HEATR5B: variants seen among roughly 807,000 people sequenced by gnomAD.
HEATR5B encodes the protein HEAT repeat-containing protein 5B.
A neutral mutation model predicts 224.1 loss-of-function variants in HEATR5B; 156 were observed. The observed-to-expected ratio is 0.70, with a 90% CI of 0.61 to 0.80. The LOEUF is 0.80. Ranked by LOEUF, HEATR5B falls within the 30% of genes least tolerant of loss-of-function variation. The pLI, the probability that HEATR5B is intolerant of heterozygous loss-of-function variation, is 0.00. For synonymous variants in HEATR5B, 1,027 were observed against 893.0 expected, an observed-to-expected ratio of 1.15 and a Z score of -2.68; for missense variants, 2,323 against 2,535.5, an observed-to-expected ratio of 0.92 and a Z score of 1.80.
chr2:37,027,910 A>G lies in HEATR5B; in HGVS notation c.3853+13T>C. The G allele has an allele frequency of 6.2e-7, 1 of 1,609,144 alleles. No individual in the cohort carries two copies. Among genetic ancestry groups the G allele is most frequent in the Non-Finnish European group, 8.5e-7 (1 of 1,176,814 alleles). On this transcript the variant is annotated intron_variant, in intron 24 of 35. Transcript: ENST00000233099. ...AAAATGCTTTGGGGAAAAAGTACTG[A>G]TTTTAAATTTACTTGTAGGGTTTCG...
intron 28 of HEATR5B, 116 bp downstream of exon 28, chr2:37,008,495 C>A (rs753173089): frequency 2.6e-5 from 19 of 736,296 alleles, no homozygotes; most frequent in Admixed American, 2.6e-4. Context: ...CAAACTTAAG[C>A]CACAGAAATT....
intron 22 of HEATR5B, among the ~76,000 whole-genome samples, chr2:37,031,586 A>G (rs1669136871): frequency 6.6e-6 from 1 of 151,984 alleles, no homozygotes; most frequent in African/African-American, 2.4e-5. Context: ...ATTTATATGT[A>G]TTCAGAAGAG....
chr2:37,040,292 T>C lies in HEATR5B; in HGVS notation c.3046+37A>G, dbSNP rs1669790681. 12 of 1,495,720 alleles carry C rather than the reference T, an allele frequency of 8.0e-6. 1 individual carries two copies. Among genetic ancestry groups the C allele is most frequent in the Middle Eastern group, 1.7e-4 (1 of 5,810 alleles). The allele number at this position is 1,495,720 out of a possible 1,614,324, so 92.7% of individuals were successfully genotyped here. On this transcript the variant is annotated intron_variant, in intron 20 of 35. Transcript: ENST00000233099. ...TCAGGAAATTTAAAGATACTGATTA[T>C]CTAACTAGGTTCCTTAATTTCAGAT...
chr2:37,035,014 G>A (rs1216488552), intron 21 of HEATR5B, among the ~76,000 whole-genome samples: 3 of 152,104 alleles, frequency 2.0e-5, no homozygotes, highest in Admixed American at 6.6e-5. Context: ...TTTTTACAGT[G>A]GGGACAATAT....
intron 16 of HEATR5B, chr2:37,055,081 C>A (rs1318449637): frequency 7.3e-6 from 3 of 408,622 alleles, no homozygotes; most frequent in East Asian, 8.6e-5. Flanking sequence ...TAAGTAAGTA[C>A]CTTTTGTGCA....
intron 17 of HEATR5B, 104 bp from the exon 18 acceptor site, chr2:37,049,947 A>G (rs2148522995): frequency 1.8e-6 from 2 of 1,120,918 alleles, no homozygotes; most frequent in Non-Finnish European, 2.4e-6. Context: ...CTGGAGTGCA[A>G]TGGCACAATC....
At chr2:37,023,871 C>A (rs921686107) in intron 24 of HEATR5B, among the ~76,000 whole-genome samples, 1 of 152,014 alleles carries the variant, frequency 6.6e-6, no homozygotes, top group African/African-American at 2.4e-5. Context: ...TGGCTAGAAG[C>A]CCACAGTGCT....
intron 35 of HEATR5B, among the ~76,000 whole-genome samples, chr2:36,985,731 T>C (rs568753461): frequency 1.3e-5 from 2 of 151,186 alleles, no homozygotes; most frequent in African/African-American, 2.4e-5. Flanking sequence ...TCCCAAAGTG[T>C]TGGCATTACA....
intron 33 of HEATR5B, among the ~76,000 whole-genome samples, chr2:36,999,145 G>A (rs1018293078): frequency 1.3e-5 from 2 of 151,958 alleles, no homozygotes; most frequent in African/African-American, 4.8e-5. Context: ...CTGGGACCTG[G>A]GAGGCGGAGG....
chr2:37,056,757 G>C (rs1319075269), intron 15 of HEATR5B, 142 bp from the exon 16 acceptor site: 4 of 651,774 alleles, frequency 6.1e-6, no homozygotes, highest in South Asian at 2.9e-5. Flanking sequence ...TTTGAAAACA[G>C]ACCAAAATGT....
At chr2:37,029,500 C>T (rs535698303) in intron 22 of HEATR5B, among the ~76,000 whole-genome samples, 40 of 152,084 alleles carry the variant, frequency 2.6e-4, no homozygotes, top group Admixed American at 2.5e-3. Context: ...CCCGTCTCTA[C>T]TAAAAATACA....
At chr2:37,017,027 G>A (rs893225873) in intron 26 of HEATR5B, among the ~76,000 whole-genome samples, 4 of 152,164 alleles carry the variant, frequency 2.6e-5, no homozygotes, top group African/African-American at 9.7e-5. Flanking sequence ...AAATATTTCT[G>A]TGAAATTTGG....
intron 9 of HEATR5B, 95 bp from the exon 10 acceptor site, chr2:37,065,085 T>C: frequency 5.5e-6 from 7 of 1,279,242 alleles, no homozygotes; most frequent in Non-Finnish European, 7.6e-6. Flanking sequence ...GAAATGACAA[T>C]CACCAAGCTT....
chr2:37,058,634 T>A (rs1671061539), intron 13 of HEATR5B, 74 bp from the exon 14 acceptor site: 1 of 989,652 alleles, frequency 1.0e-6, no homozygotes, highest in Non-Finnish European at 1.6e-6. Flanking sequence ...TAGCAATGTA[T>A]CAATGTACTG....
chr2:37,073,369 T>C (rs1672025689), intron 5 of HEATR5B, among the ~76,000 whole-genome samples: 1 of 152,202 alleles, frequency 6.6e-6, no homozygotes, highest in African/African-American at 2.4e-5. Flanking sequence ...CAATAGATGC[T>C]GAAAAATGAT....
rs1173053892 is a variant in HEATR5B at position 37,054,152 on chromosome 2, T to TA, written c.2400-546dup. Among the ~76,000 whole-genome samples the TA allele has an allele frequency of 2.1e-3, 297 of 142,556 alleles. 1 individual carries two copies. The Middle Eastern group carries it at 0.021, about 10-fold the overall frequency. The allele number at this position is 142,556 out of a possible 152,430, so 93.5% of individuals were successfully genotyped here. ...TATTAATAAAAAAGAATCAGTTTAT[T>TA]AAAAAAAAAAAATCCATGGCCATCT... On this transcript the variant is annotated intron_variant, in intron 16 of 35. Coordinates refer to ENST00000233099, the MANE Select transcript of HEATR5B (RefSeq NM_019024.3).
intron 27 of HEATR5B, among the ~76,000 whole-genome samples, chr2:37,009,691 A>G (rs1477758376): frequency 1.3e-5 from 2 of 151,776 alleles, no homozygotes; most frequent in African/African-American, 4.8e-5. Context: ...ACTTCTGACT[A>G]TTCCTCTGAT....
chr2:37,048,923 T>C (rs1670365836), intron 18 of HEATR5B, among the ~76,000 whole-genome samples: 1 of 152,230 alleles, frequency 6.6e-6, no homozygotes, highest in African/African-American at 2.4e-5. Context: ...CATACTCTTT[T>C]GTTAATGACC....
chr2:37,056,760 C>A, intron 15 of HEATR5B, 145 bp from the exon 16 acceptor site: 2 of 643,636 alleles, frequency 3.1e-6, no homozygotes, highest in Non-Finnish European at 5.0e-6. Flanking sequence ...GAAAACAGAC[C>A]AAAATGTAAT....
Sources: gnomAD v4.1 joint callset for allele counts (sites outside exome capture counted in the v4.1 genomes callset) on GRCh38, gnomAD v4.1.1 for gene constraint, MANE v1.5 for transcripts, NCBI Gene and HGNC (gene_info 2026-07-23, HGNC 2026-07-21) for gene names.